Variants in NXN observed in about 807,000 individuals in gnomAD.
NXN encodes nucleoredoxin 1.
In NXN, 16 loss-of-function variants were observed where a neutral mutation model predicts 48.6. The ratio of observed to expected loss-of-function variants is 0.33; its 90% confidence interval spans 0.22 to 0.50. The LOEUF is 0.50. NXN is among the 20% of genes least tolerant of loss of function. NXN has a pLI of 0.98. For missense variants in NXN, 492 were observed against 605.5 expected, an observed-to-expected ratio of 0.81 and a Z score of 1.97; for synonymous variants, 281 against 269.6, an observed-to-expected ratio of 1.04 and a Z score of -0.41.
intron 1 of NXN, among the ~76,000 whole-genome samples, chr17:908,839 C>T (rs2068605203): frequency 6.6e-6 from 1 of 151,984 alleles, no homozygotes; most frequent in Non-Finnish European, 1.5e-5. Context: ...TGCGGTGGCT[C>T]ACACCTGTAA....
chr17:923,770 A>G (rs962014872), intron 1 of NXN, among the ~76,000 whole-genome samples: 4 of 152,210 alleles, frequency 2.6e-5, no homozygotes, highest in African/African-American at 9.6e-5. Flanking sequence ...AACAGATAGG[A>G]CACAAGTGCG....
intron 1 of NXN, among the ~76,000 whole-genome samples, chr17:848,335 T>TA (rs1033506932): frequency 9.9e-5 from 15 of 152,192 alleles, no homozygotes; most frequent in African/African-American, 3.6e-4. Context: ...AGACAGGGTT[T>TA]CACCATGTTG....
chr17:873,545 T>C (rs1184129761), intron 1 of NXN, among the ~76,000 whole-genome samples: 4 of 151,154 alleles, frequency 2.6e-5, no homozygotes, highest in South Asian at 2.1e-4. Context: ...TCTGTACTTA[T>C]ATTTTGCTAG....
chr17:955,292 C>T (rs528991221), intron 1 of NXN, among the ~76,000 whole-genome samples: 2 of 151,716 alleles, frequency 1.3e-5, no homozygotes, highest in South Asian at 2.1e-4. Context: ...CTCAGCCTCC[C>T]GAGTAGCTGG....
chr17:827,120 G>A (rs1248339031), intron 1 of NXN, among the ~76,000 whole-genome samples: 2 of 152,196 alleles, frequency 1.3e-5, no homozygotes, highest in African/African-American at 4.8e-5. Flanking sequence ...GCTTTGGGAG[G>A]ATCACCTGAG....
intron 1 of NXN, among the ~76,000 whole-genome samples, chr17:922,513 A>C (rs2068759021): frequency 6.6e-6 from 1 of 152,188 alleles, no homozygotes; most frequent in African/African-American, 2.4e-5. Context: ...AATAAAATCT[A>C]AGCGTACATT....
chr17:808,305 ATT>A (rs10644625), intron 5 of NXN, among the ~76,000 whole-genome samples: 19 of 140,366 alleles, frequency 1.4e-4, no homozygotes, highest in South Asian at 2.3e-4. Context: ...TGAAATACAC[ATT>A]TTTTTTTTTT....
At position 849,437 on chromosome 17, in the gene NXN, G is replaced by A. The variant is rs1387182447; in HGVS notation, c.361-23359C>T. ...AATCCCAGCTACTCAGGAGGCTGAG[G>A]CAGAAGAATTGCTTGAACCTGGGAG... On this transcript the variant is annotated intron_variant, in intron 1 of 7. Coordinates refer to ENST00000336868, the MANE Select transcript of NXN (RefSeq NM_022463.5). This position sits in a 1 kb window ranked among gnomAD's most constrained non-coding sequence, Gnocchi z 4.2. Among the ~76,000 whole-genome samples the A allele has an allele frequency of 6.6e-6, 1 of 152,144 alleles. No homozygotes were observed. The highest frequency in any genetic ancestry group is 6.5e-5 in the Admixed American group (1 of 15,276).
chr17:979,298 G>C (rs746243246), intron 1 of NXN, 21 bp downstream of exon 1: 2 of 1,302,462 alleles, frequency 1.5e-6, no homozygotes, highest in Non-Finnish European at 2.0e-6. Context: ...GGCAGGGGCC[G>C]GCGAGGCCCG....
chr17:937,511 A>G (rs2068920333), intron 1 of NXN, among the ~76,000 whole-genome samples: 1 of 152,116 alleles, frequency 6.6e-6, no homozygotes, highest in African/African-American at 2.4e-5. Context: ...AAGGAGGGAA[A>G]AGCCAAAACT....
chr17:870,430 A>G (rs2068139385), intron 1 of NXN, among the ~76,000 whole-genome samples: 1 of 152,068 alleles, frequency 6.6e-6, no homozygotes, highest in African/African-American at 2.4e-5. Flanking sequence ...GCATCACAGG[A>G]TGGGAAGGGC....
chr17:929,150 G>A (rs917990361), intron 1 of NXN, among the ~76,000 whole-genome samples: 5 of 152,238 alleles, frequency 3.3e-5, no homozygotes, highest in Non-Finnish European at 7.3e-5. Context: ...AAAATCAGAA[G>A]AGCTGGCAAC....
At position 975,071 on chromosome 17, in the gene NXN, C is replaced by A. The variant is rs572436774; in HGVS notation, c.360+4248G>T. 1.2e-4 allele frequency among the ~76,000 whole-genome samples: 19 copies of A among 152,174 alleles called. No individual in the cohort carries two copies. In the South Asian group the frequency reaches 2.7e-3, roughly 22 times the overall value. ...AACTCCTAGGCTCAAGTGATCCCCC[C>A]ACCTTGGCCTCCCAAAGTGCTGAAT... On this transcript the variant is annotated intron_variant, in intron 1 of 7. Coordinates refer to ENST00000336868, the MANE Select transcript of NXN (RefSeq NM_022463.5).
intron 1 of NXN, among the ~76,000 whole-genome samples, chr17:851,896 G>A (rs1377972103): frequency 1.3e-5 from 2 of 152,248 alleles, no homozygotes; most frequent in African/African-American, 2.4e-5. Flanking sequence ...CTCTATGGAA[G>A]GGAGATTAGC....
chr17:823,600 C>T (rs773197408), intron 3 of NXN, 32 bp downstream of exon 3: 3 of 1,612,832 alleles, frequency 1.9e-6, no homozygotes, highest in Admixed American at 3.3e-5. Flanking sequence ...CTGCTTCCTT[C>T]TGTCTGAGCC....
At chr17:914,609 G>T (rs570836913) in intron 1 of NXN, among the ~76,000 whole-genome samples, 1 of 152,332 alleles carries the variant, frequency 6.6e-6, no homozygotes, top group Admixed American at 6.5e-5. Flanking sequence ...CAACAAACAT[G>T]TATGAAATGC....
Position 833,430 on chromosome 17 carries a change from C to T in NXN, c.361-7352G>A, listed in dbSNP as rs146226091. Among the ~76,000 whole-genome samples the T allele has an allele frequency of 1.6e-3, 240 of 152,056 alleles. 3 individuals carry two copies. The highest frequency in any genetic ancestry group is 4.7e-3 in the African/African-American group (195 of 41,496). ...GACTTGCGGATTCACTTACGCAGCC[C>T]GGAAACCAAAAAATGCTTCAGCTTA... On this transcript the variant is annotated intron_variant, in intron 1 of 7. Transcript: ENST00000336868.
At chr17:939,727 G>T (rs368889949) in intron 1 of NXN, among the ~76,000 whole-genome samples, 2 of 152,172 alleles carry the variant, frequency 1.3e-5, no homozygotes, top group South Asian at 2.1e-4. Flanking sequence ...ACACACGTAC[G>T]TGCCTACATA....
At chr17:970,948 T>A (rs1042373710) in intron 1 of NXN, among the ~76,000 whole-genome samples, 16 of 150,146 alleles carry the variant, frequency 1.1e-4, no homozygotes, top group Admixed American at 3.3e-4. Flanking sequence ...TGAGACTCTT[T>A]TTTTTTTTTT....
Sources: gnomAD v4.1 joint callset for allele counts (sites outside exome capture counted in the v4.1 genomes callset) on GRCh38, gnomAD v4.1.1 for gene constraint, Gnocchi (gnomAD v3.1) non-coding constraint, MANE v1.5 for transcripts, NCBI Gene and HGNC (gene_info 2026-07-23, HGNC 2026-07-21) for gene names.